DCDC2: variants seen among roughly 807,000 people sequenced by gnomAD.
The protein encoded by DCDC2 is doublecortin domain-containing protein 2.
Under a neutral mutation model 50.2 loss-of-function variants are expected in DCDC2, and 40 were observed. The observed-to-expected ratio is 0.80, with a 90% CI of 0.62 to 1.04. DCDC2 has a LOEUF of 1.04. DCDC2 is among the 50% of genes least tolerant of loss of function. The pLI is 0.00. For synonymous variants in DCDC2, 234 were observed against 210.6 expected (o/e 1.11, Z -0.96); for missense variants, 570 against 581.9 (o/e 0.98, Z 0.21).
At chr6:24,261,489 C>T (rs1763008441) in intron 7 of DCDC2, among the ~76,000 whole-genome samples, 2 of 152,052 alleles carry the variant, frequency 1.3e-5, no homozygotes, top group South Asian at 4.2e-4. Context: ...GGAGGTAATT[C>T]TCCAAGTAAA....
intron 7 of DCDC2, 70 bp from the exon 8 acceptor site, chr6:24,205,172 C>G (rs1204802918): frequency 7.4e-6 from 12 of 1,614,006 alleles, no homozygotes; most frequent in Non-Finnish European, 1.0e-5. Flanking sequence ...GCTGGAATTA[C>G]AATCAAATGC....
intron 8 of DCDC2, among the ~76,000 whole-genome samples, chr6:24,196,407 A>C (rs1053353042): frequency 6.6e-6 from 1 of 152,140 alleles, no homozygotes; most frequent in East Asian, 1.9e-4. Context: ...TAGATAGAAT[A>C]AGACTGATAA....
At chr6:24,356,513 A>C (rs1186672063) in intron 1 of DCDC2, among the ~76,000 whole-genome samples, 1 of 152,166 alleles carries the variant, frequency 6.6e-6, no homozygotes, top group Non-Finnish European at 1.5e-5. Context: ...AAGCCAATGA[A>C]ATGGTTGGAC....
At position 24,230,153 on chromosome 6, in the gene DCDC2, A is replaced by G. The variant is rs776062898; in HGVS notation, c.923-25051T>C. The stretch of plus-strand genomic sequence containing the variant: ...GTTTACTGAGCATCATGTTAAAGAC[A>G]CTTTTCTAAGCACTGGGAATGCAGA... On this transcript the variant is annotated intron_variant, in intron 7 of 9. Transcript: ENST00000378454. Among the ~76,000 whole-genome samples the G allele has an allele frequency of 1.7e-4, 26 of 152,240 alleles. 1 individual carries two copies. The highest frequency in any genetic ancestry group is 1.6e-3 in the Admixed American group (24 of 15,282).
chr6:24,266,144 C>CAA lies in DCDC2; in HGVS notation c.922+11903_922+11904dup, dbSNP rs1291720909. 5.3e-5 allele frequency among the ~76,000 whole-genome samples: 8 copies of CAA among 152,026 alleles called. No homozygotes were observed. In the East Asian group the frequency reaches 1.5e-3, roughly 29 times the overall value. ...GCTGGGAAAACTGGATATCCATATGCAAAAGAATGAAATTGGACCCCGATA... is the reference window on the plus strand; with the variant it reads ...GCTGGGAAAACTGGATATCCATATGCAAAAAAGAATGAAATTGGACCCCGATA... On this transcript the variant is annotated intron_variant, in intron 7 of 9. Transcript: ENST00000378454.
intron 4 of DCDC2, among the ~76,000 whole-genome samples, chr6:24,296,897 A>C (rs1233680726): frequency 1.3e-5 from 2 of 152,238 alleles, no homozygotes; most frequent in Admixed American, 1.3e-4. Context: ...TGTGGAAAGC[A>C]GTGTGGCAAT....
At chr6:24,210,045 TG>T in intron 7 of DCDC2, among the ~76,000 whole-genome samples, 1 of 146,578 alleles carries the variant, frequency 6.8e-6, no homozygotes, top group South Asian at 2.1e-4. Context: ...TGTGTGTGTG[TG>T]TGTGTGTGTC....
the DCDC2 span, among the ~76,000 whole-genome samples, chr6:24,372,974 T>C: frequency 1.3e-5 from 2 of 151,848 alleles, no homozygotes; most frequent in East Asian, 3.8e-4. Flanking sequence ...ACAAAAGAAG[T>C]AATCTAAATA....
chr6:24,355,786 A>G (rs1760456438), intron 1 of DCDC2, among the ~76,000 whole-genome samples: 1 of 152,220 alleles, frequency 6.6e-6, no homozygotes, highest in African/African-American at 2.4e-5. Flanking sequence ...TGACGTAACA[A>G]AAAGTATAAT....
intron 2 of DCDC2, among the ~76,000 whole-genome samples, chr6:24,326,166 A>AAAGGAAGGAAGGAAGGAAGGAAGG (rs143866897): frequency 3.1e-5 from 4 of 127,244 alleles, no homozygotes; most frequent in African/African-American, 1.1e-4. Flanking sequence ...GAGAGGAAGG[A>AAAGGAAGGAAGGAAGGAAGGAAGG]AAGGAAGGAA....
intron 6 of DCDC2, among the ~76,000 whole-genome samples, chr6:24,285,034 C>A (rs1405412782): frequency 6.6e-6 from 1 of 151,978 alleles, no homozygotes; most frequent in Admixed American, 6.6e-5. Context: ...CCATACCCTC[C>A]CCCCCACACA....
At chr6:24,272,761 G>A (rs538897329) in intron 7 of DCDC2, among the ~76,000 whole-genome samples, 6 of 152,110 alleles carry the variant, frequency 3.9e-5, no homozygotes, top group Non-Finnish European at 7.4e-5. Context: ...AATACACTGT[G>A]GGTGGGAATG....
chr6:24,205,897 C>T (rs76698847), intron 7 of DCDC2, among the ~76,000 whole-genome samples: 2,302 of 152,254 alleles, frequency 0.015, 55 homozygotes, highest in African/African-American at 0.052. Flanking sequence ...AGTGCTTTGG[C>T]CATTCTCACA....
At position 24,357,500 on chromosome 6, in the gene DCDC2, C is replaced by A. The variant is rs1013179958; in HGVS notation, c.251G>T (p.Gly84Val). The A allele has an allele frequency of 1.2e-6, 2 of 1,611,696 alleles. No homozygotes were observed. The highest frequency in any genetic ancestry group is 1.3e-5 in the African/African-American group (1 of 75,006). The stretch of plus-strand genomic sequence containing the variant: ...TTCCTGGCCTCCAGCCACGTAATTG[C>A]CCCCGCTCTGGATCTGGTCTAGCTT... ...IRKLDQIQSG[G>V]NYVAGGQEAF... is the part of the protein sequence containing the mutation. Residue 84 changes from glycine (G) to valine (V), a missense_variant, in exon 1 of 10, where the codon GGC becomes GTC. By Grantham distance (109) the Gly-to-Val change is moderately radical. Transcript: ENST00000378454.
chr6:24,302,693 G>C (rs944558244), intron 2 of DCDC2, among the ~76,000 whole-genome samples: 2 of 151,968 alleles, frequency 1.3e-5, no homozygotes, highest in Non-Finnish European at 2.9e-5. Flanking sequence ...AGAGAACCAC[G>C]GGGCCCCATG....
intron 2 of DCDC2, among the ~76,000 whole-genome samples, chr6:24,306,169 G>A (rs1225095948): frequency 6.6e-6 from 1 of 152,136 alleles, no homozygotes; most frequent in Non-Finnish European, 1.5e-5. Flanking sequence ...TGTAGCCAGG[G>A]ATGGAGTTCA....
Position 24,226,128 on chromosome 6 carries a change from G to A in DCDC2, c.923-21026C>T, listed in dbSNP as rs556113908. Among the ~76,000 whole-genome samples, 4 of 151,742 alleles carry A rather than the reference G, an allele frequency of 2.6e-5. No homozygotes were observed. In the East Asian group the frequency reaches 6.0e-4, roughly 23 times the overall value. ...CCCACAGTGGATTTATATTTTAATC[G>A]GAAATAAACATCCATTGATTCATAA... On this transcript the variant is annotated intron_variant, in intron 7 of 9. Transcript: ENST00000378454.
intron 7 of DCDC2, among the ~76,000 whole-genome samples, chr6:24,248,799 T>C (rs1289364136): frequency 1.3e-5 from 2 of 152,132 alleles, no homozygotes; most frequent in African/African-American, 4.8e-5. Context: ...AAATATTAAC[T>C]CCTGCATAAA....
intron 7 of DCDC2, among the ~76,000 whole-genome samples, chr6:24,237,773 C>T (rs1192634409): frequency 6.6e-6 from 1 of 152,108 alleles, no homozygotes; most frequent in Admixed American, 6.5e-5. Flanking sequence ...TCTGCAGCAA[C>T]ATGGATGGAG....
Sources: allele counts gnomAD v4.1 joint callset (sites outside exome capture counted in the v4.1 genomes callset), GRCh38; gene constraint gnomAD v4.1.1; transcripts MANE v1.5; gene names NCBI Gene and HGNC (gene_info 2026-07-23, HGNC 2026-07-21).